A1CF: variants seen among roughly 807,000 people sequenced by gnomAD.
The protein encoded by A1CF is APOBEC1 complementation factor.
A neutral mutation model predicts 68.9 loss-of-function variants in A1CF; 48 were observed. That is an observed-to-expected ratio of 0.70 (90% confidence interval 0.55 to 0.89). A1CF has a LOEUF of 0.89. Among genes scored for constraint, A1CF ranks in the 40% least tolerant of loss-of-function variants. A1CF has a pLI of 0.00. For synonymous variants in A1CF, 272 were observed against 260.4 expected (o/e 1.04, Z -0.43); for missense variants, 653 against 718.9 (o/e 0.91, Z 1.05).
intron 1 of A1CF, among the ~76,000 whole-genome samples, chr10:50,865,254 G>T: frequency 6.6e-6 from 1 of 151,930 alleles, no homozygotes; most frequent in East Asian, 1.9e-4. Flanking sequence ...ATGAGACCCT[G>T]TCTCAAAGGT....
At chr10:50,811,601 G>A (rs564199720) in intron 10 of A1CF, among the ~76,000 whole-genome samples, 10 of 152,160 alleles carry the variant, frequency 6.6e-5, no homozygotes, top group South Asian at 2.1e-4. Context: ...TTTTTATTTC[G>A]TGACATTTGT....
Position 50,815,113 on chromosome 10 carries a change from G to T in A1CF, c.1141+893C>A, listed in dbSNP as rs117655353. Among the ~76,000 whole-genome samples the T allele has an allele frequency of 8.2e-3, 1,255 of 152,260 alleles. 10 individuals carry two copies. Among genetic ancestry groups the T allele is most frequent in the Admixed American group, 0.013 (191 of 15,276 alleles). On this transcript the variant is annotated intron_variant, in intron 9 of 12. Coordinates refer to ENST00000373997, the MANE Select transcript of A1CF (RefSeq NM_014576.4). The stretch of plus-strand genomic sequence containing the variant: ...TGCTTCTAAGTCAAACCCAAGAATA[G>T]ACTTAAATGCACAGTTTATCGAATT...
intron 3 of A1CF, among the ~76,000 whole-genome samples, chr10:50,856,100 A>G (rs534282063): frequency 6.6e-6 from 1 of 152,190 alleles, no homozygotes; most frequent in African/African-American, 2.4e-5. Context: ...TCGACCAAAT[A>G]GTCCAGTGTG....
At chr10:50,847,130 C>T (rs1029625358) in intron 3 of A1CF, among the ~76,000 whole-genome samples, 2 of 152,160 alleles carry the variant, frequency 1.3e-5, no homozygotes, top group Non-Finnish European at 2.9e-5. Flanking sequence ...ATGTCTTCCT[C>T]AAGGGAAGCA....
At chr10:50,866,708 C>T (rs1841008561) in intron 1 of A1CF, among the ~76,000 whole-genome samples, 1 of 152,050 alleles carries the variant, frequency 6.6e-6, no homozygotes, top group Admixed American at 6.6e-5. Context: ...AAAGCTGATC[C>T]CACATGAAGA....
intron 1 of A1CF, among the ~76,000 whole-genome samples, chr10:50,868,577 AT>A (rs1466406007): frequency 2.0e-5 from 3 of 152,196 alleles, no homozygotes; most frequent in African/African-American, 7.2e-5. Flanking sequence ...AACCTCCTCT[AT>A]GTTTTTCAGG....
chr10:50,843,348 A>T (rs1778843618), intron 4 of A1CF, among the ~76,000 whole-genome samples: 1 of 152,222 alleles, frequency 6.6e-6, no homozygotes, highest in African/African-American at 2.4e-5. Context: ...CTGTTAACAC[A>T]CACACACAAA....
At chr10:50,869,236 T>A (rs1841139506) in intron 1 of A1CF, among the ~76,000 whole-genome samples, 1 of 152,152 alleles carries the variant, frequency 6.6e-6, no homozygotes, top group African/African-American at 2.4e-5. Flanking sequence ...GATACCTAAC[T>A]TGAAGGTTCT....
intron 8 of A1CF, among the ~76,000 whole-genome samples, chr10:50,818,474 C>CA (rs1285835489): frequency 6.6e-6 from 1 of 151,762 alleles, no homozygotes; most frequent in Non-Finnish European, 1.5e-5. Context: ...TATCTAGCTG[C>CA]AAAAATTGGG....
rs141110536 is a variant in A1CF at position 50,843,053 on chromosome 10, G to A, written c.234+935C>T. 5.3e-5 allele frequency among the ~76,000 whole-genome samples: 8 copies of A among 152,256 alleles called. No individual in the cohort carries two copies. The East Asian group carries it at 9.6e-4, about 18-fold the overall frequency. On this transcript the variant is annotated intron_variant, in intron 4 of 12. Coordinates refer to ENST00000373997, the MANE Select transcript of A1CF (RefSeq NM_014576.4). Reference sequence around the variant, plus strand: ...GGGTTGCCCAAATAAATATGATGGCGCATGTCTGGAGAGAAGTGCCATTAA... The same window carrying A: ...GGGTTGCCCAAATAAATATGATGGCACATGTCTGGAGAGAAGTGCCATTAA...
chr10:50,824,243 G>C (rs1392797829), intron 7 of A1CF: 3 of 152,096 alleles, frequency 2.0e-5, no homozygotes, highest in African/African-American at 7.2e-5. Flanking sequence ...ATGATAATTA[G>C]TAGGATCCGG....
intron 7 of A1CF, among the ~76,000 whole-genome samples, chr10:50,826,194 T>G (rs1276306810): frequency 6.6e-6 from 1 of 152,132 alleles, no homozygotes; most frequent in Non-Finnish European, 1.5e-5. Context: ...GAAAAACTCA[T>G]GAAATTTATA....
At chr10:50,839,944 G>A (rs1839694131) in intron 5 of A1CF, among the ~76,000 whole-genome samples, 1 of 152,168 alleles carries the variant, frequency 6.6e-6, no homozygotes. Context: ...GTTTCTCCAG[G>A]TTGGTCAGGC....
At chr10:50,867,365 T>C (rs1052658011) in intron 1 of A1CF, among the ~76,000 whole-genome samples, 3 of 152,084 alleles carry the variant, frequency 2.0e-5, no homozygotes, top group African/African-American at 7.2e-5. Flanking sequence ...TGAAATTCTT[T>C]TATTTTATTT....
rs369611333 is a variant in A1CF at position 50,827,547 on chromosome 10, G to A, written c.769+584C>T. 3.5e-4 allele frequency among the ~76,000 whole-genome samples: 54 copies of A among 152,262 alleles called. 2 individuals carry two copies. In the South Asian group the frequency reaches 9.9e-3, roughly 28 times the overall value. On this transcript the variant is annotated intron_variant, in intron 7 of 12. Coordinates refer to ENST00000373997, the MANE Select transcript of A1CF (RefSeq NM_014576.4). ...CCTGAATGACTACTGAGTACACAAC[G>A]AAATGAAGGTGGAAATAAAGATGTT...
intron 1 of A1CF, among the ~76,000 whole-genome samples, chr10:50,881,285 G>A (rs1363096169): frequency 2.0e-5 from 3 of 152,220 alleles, no homozygotes; most frequent in South Asian, 2.1e-4. Flanking sequence ...CACTGCGCCC[G>A]GCCTCATCTA....
rs986268400 is a variant in A1CF at position 50,803,202 on chromosome 10, C to T, written c.*3527G>A. On this transcript the variant is annotated 3_prime_UTR_variant, in exon 13 of 13. Transcript: ENST00000373997. ...CTCCAGGCCTCCAGCAATCCTCCTG[C>T]CTTAGCTTCCCAAGTAGCTGGGACC... The T allele has an allele frequency of 6.6e-6, 1 of 152,334 alleles. No individual in the cohort carries two copies. The highest frequency in any genetic ancestry group is 2.4e-5 in the African/African-American group (1 of 41,450). The allele number at this position is 152,334 out of a possible 1,614,324, so 9.4% of individuals were successfully genotyped here.
At position 50,805,605 on chromosome 10, in the gene A1CF, T is replaced by C. The variant is rs1837781482; in HGVS notation, c.*1124A>G. The C allele has an allele frequency of 6.6e-6, 1 of 152,222 alleles. No individual in the cohort carries two copies. Among genetic ancestry groups the C allele is most frequent in the Admixed American group, 6.5e-5 (1 of 15,286 alleles). 9.4% of individuals were successfully genotyped at this position (152,222 alleles called of 1,614,324 possible). ...GCTTCAAGACAAAAGGACTCAGGTA[T>C]GGTGAAGCTGCCTGATACTTACTGA... On this transcript the variant is annotated 3_prime_UTR_variant, in exon 13 of 13. Coordinates refer to ENST00000373997, the MANE Select transcript of A1CF (RefSeq NM_014576.4).
At position 50,816,096 on chromosome 10, in the gene A1CF, G is replaced by T. The variant is rs1434331922; in HGVS notation, c.1051C>A (p.Gln351Lys). The change falls in exon 9 of 13, where the codon CAG becomes AAG. Residue 351 changes from glutamine (Q) to lysine (K), a missense_variant. Physicochemically the swap from Gln to Lys is moderately conservative, Grantham distance 53. Coordinates refer to ENST00000373997, the MANE Select transcript of A1CF (RefSeq NM_014576.4). ...YLGAPVFYAP[Q>K]TYAAIPSLHF... Reference sequence around the variant, plus strand: ...AGACTGGGAATTGCTGCATAGGTCTGGGGGGCATAGAAGACAGGAGCTCCA... The same window carrying T: ...AGACTGGGAATTGCTGCATAGGTCTTGGGGGCATAGAAGACAGGAGCTCCA... 6.2e-7 allele frequency: 1 copy of T among 1,613,770 alleles called. No homozygotes were observed. Among genetic ancestry groups the T allele is most frequent in the South Asian group, 1.1e-5 (1 of 91,072 alleles).
Sources: gnomAD v4.1 joint callset for allele counts (sites outside exome capture counted in the v4.1 genomes callset) on GRCh38, gnomAD v4.1.1 for gene constraint, MANE v1.5 for transcripts, NCBI Gene and HGNC (gene_info 2026-07-23, HGNC 2026-07-21) for gene names.